The following CCAR1 variants were observed in gnomAD, a reference collection of about 807,000 sequenced individuals.
The protein encoded by CCAR1 is cell division cycle and apoptosis regulator protein 1.
A neutral mutation model predicts 163.8 loss-of-function variants in CCAR1; 78 were observed. The ratio of observed to expected loss-of-function variants is 0.48; its 90% confidence interval spans 0.40 to 0.57. CCAR1 has a LOEUF of 0.57. Among genes scored for constraint, CCAR1 ranks in the 20% least tolerant of loss-of-function variants. The pLI, the probability that CCAR1 is intolerant of heterozygous loss-of-function variation, is 0.00. For missense variants in CCAR1, 1,019 were observed against 1,365.2 expected, an observed-to-expected ratio of 0.75 and a Z score of 4.00; for synonymous variants, 443 against 460.7, an observed-to-expected ratio of 0.96 and a Z score of 0.49.
At chr10:68,723,973 A>G (rs532971802) in intron 2 of CCAR1, among the ~76,000 whole-genome samples, 11 of 150,892 alleles carry the variant, frequency 7.3e-5, no homozygotes, top group Admixed American at 3.3e-4. Flanking sequence ...AGCCTGACCA[A>G]CATGGAGAAA....
Position 68,754,726 on chromosome 10 carries a change from G to A in CCAR1, c.1357G>A (p.Ala453Thr), listed in dbSNP as rs1483548856. 6.3e-7 allele frequency: 1 copy of A among 1,597,506 alleles called. No individual in the cohort carries two copies. Among genetic ancestry groups the A allele is most frequent in the Non-Finnish European group, 8.6e-7 (1 of 1,165,934 alleles). Residue 453 changes from alanine (A) to threonine (T), a missense_variant, in exon 12 of 25, where the codon GCT (alanine) becomes ACT (threonine). Physicochemically the swap from Ala to Thr is moderately conservative, Grantham distance 58 (BLOSUM62 0). Around this residue, in one of 4 missense-constraint regions of CCAR1, gnomAD observed 644 missense variants for 904.4 expected, o/e 0.71. Coordinates refer to ENST00000265872, the MANE Select transcript of CCAR1 (RefSeq NM_018237.4). ...TTGACTATAATAGGTAATGCTGATG[G>A]CTAGCCCTAGTATGGAAGATTTATA... ...HLYSAKVMLM[A>T]SPSMEDLYHK...
intron 4 of CCAR1, 80 bp downstream of exon 4, chr10:68,737,969 T>C (rs1303102878): frequency 8.7e-6 from 8 of 922,298 alleles, no homozygotes; most frequent in Non-Finnish European, 1.3e-5. Flanking sequence ...AGAGTTTTAT[T>C]TCTATCAGCT....
At chr10:68,779,302 G>T (rs1346035574) in intron 19 of CCAR1, among the ~76,000 whole-genome samples, 1 of 151,210 alleles carries the variant, frequency 6.6e-6, no homozygotes, top group African/African-American at 2.4e-5. Flanking sequence ...CTGTCGCCCA[G>T]CCTGGAGTGT....
At chr10:68,730,876 A>G (rs750804220) in intron 2 of CCAR1, among the ~76,000 whole-genome samples, 6 of 151,772 alleles carry the variant, frequency 4.0e-5, no homozygotes, top group African/African-American at 7.3e-5. Context: ...TATTTTTCAT[A>G]GAAGCAGGGT....
chr10:68,786,434 C>G, intron 20 of CCAR1, 112 bp from the exon 21 acceptor site: 2 of 792,842 alleles, frequency 2.5e-6, no homozygotes, highest in Non-Finnish European at 3.9e-6. Flanking sequence ...TAGGATGAGG[C>G]AAATATCTTA....
At chr10:68,791,177 T>C (rs762506558) in intron 24 of CCAR1, 30 bp from the exon 25 acceptor site, 2 of 1,301,042 alleles carry the variant, frequency 1.5e-6, no homozygotes, top group Non-Finnish European at 2.2e-6. Flanking sequence ...TCTAATAAAA[T>C]GTATTTTTTC....
At chr10:68,775,497 C>CTTTTTTTTTTTTTTTTTTTTTTTTTT (rs58856212) in intron 19 of CCAR1, among the ~76,000 whole-genome samples, 2 of 117,986 alleles carry the variant, frequency 1.7e-5, no homozygotes, top group Non-Finnish European at 3.5e-5. Context: ...GCCTCATTTT[C>CTTTTTTTTTTTTTTTTTTTTTTTTTT]TTTTTTTTTT....
At chr10:68,737,682 ATTAT>A (rs1484391622) in intron 3 of CCAR1, among the ~76,000 whole-genome samples, 159 bp from the exon 4 acceptor site, 1 of 151,604 alleles carries the variant, frequency 6.6e-6, no homozygotes, top group East Asian at 1.9e-4. Flanking sequence ...CTTTATTATT[ATTAT>A]TTTTATTTTT....
rs1554821450 is a variant in CCAR1, at chr10:68,761,121, C to T, written c.2035C>T (p.Gln679Ter). Residue 679 changes from glutamine (Q) to a stop codon, truncating the protein, a stop_gained, in exon 16 of 25, where the codon CAG (glutamine) becomes TAG (stop). Transcript: ENST00000265872. LOFTEE classifies it high-confidence loss of function. ...TAAAGTAGAGGAACAAAAAGAAGAA[C>T]AGAAGGAGTTAGAGAAATCTGAAAA... ...QLKVEEQKEE[Q>*]KELEKSEKEE... The T allele has an allele frequency of 6.2e-7, 1 of 1,610,414 alleles. No homozygotes were observed. The highest frequency in any genetic ancestry group is 8.5e-7 in the Non-Finnish European group (1 of 1,178,374).
chr10:68,722,629 ACTACGTGAATTAGGGCCGGGGGTGGTGG>A (rs749850264), intron 2 of CCAR1, 52 bp downstream of exon 2: 31 of 1,413,442 alleles, frequency 2.2e-5, no homozygotes, highest in Non-Finnish European at 3.0e-5. Flanking sequence ...ACTTGTTAAA[ACTACGTGAATTAGGGCCGGGGGTGGTGG>A]CTCACGCCTG....
At chr10:68,758,051 T>A (rs2056417996) in intron 15 of CCAR1, among the ~76,000 whole-genome samples, 1 of 152,124 alleles carries the variant, frequency 6.6e-6, no homozygotes, top group Admixed American at 6.6e-5. Flanking sequence ...GTAATTTGGT[T>A]TTTAAAATAG....
At chr10:68,765,866 A>T in intron 16 of CCAR1, 22 bp from the exon 17 acceptor site, 1 of 1,583,772 alleles carries the variant, frequency 6.3e-7, no homozygotes, top group Middle Eastern at 1.7e-4. Flanking sequence ...TTTAACCTTG[A>T]CTTGAAATTT....
intron 10 of CCAR1, among the ~76,000 whole-genome samples, chr10:68,753,449 G>C (rs1456285206): frequency 6.6e-6 from 1 of 152,114 alleles, no homozygotes; most frequent in Non-Finnish European, 1.5e-5. Flanking sequence ...TCAAAAACCT[G>C]ATTGAGGGGC....
intron 3 of CCAR1, 74 bp from the exon 4 acceptor site, chr10:68,737,771 G>A (rs1265881967): frequency 3.8e-6 from 3 of 783,030 alleles, no homozygotes; most frequent in South Asian, 3.2e-5. Flanking sequence ...GTATTTCTAT[G>A]TATATCACTT....
chr10:68,773,190 AT>A lies in CCAR1; in HGVS notation c.2650+98del, dbSNP rs1478923812. 5.9e-6 allele frequency: 4 copies of A among 676,388 alleles called. No homozygotes were observed. In the South Asian group the frequency reaches 7.6e-5, roughly 13 times the overall value. The allele number at this position is 676,388 out of a possible 1,614,324, so 41.9% of individuals were successfully genotyped here. A position where few individuals can be genotyped will look rare whatever the true frequency, so the allele number is the denominator to read the frequency against. On this transcript the variant is annotated intron_variant, in intron 19 of 24. Coordinates refer to ENST00000265872, the MANE Select transcript of CCAR1 (RefSeq NM_018237.4). ...ATTCACTGAAATCTATACTTTTAAC[AT>A]TTTTTTCTTTAGAATAGAAAGAGTA...
chr10:68,788,423 C>G, intron 23 of CCAR1, 95 bp downstream of exon 23: 2 of 770,924 alleles, frequency 2.6e-6, no homozygotes, highest in Non-Finnish European at 3.8e-6. Flanking sequence ...TACCTGTGTA[C>G]ACATTTGCAT....
chr10:68,722,162 C>G (rs1003975670), intron 1 of CCAR1, among the ~76,000 whole-genome samples: 2 of 152,120 alleles, frequency 1.3e-5, no homozygotes, highest in Admixed American at 6.6e-5. Context: ...GTGGATACAG[C>G]AGATGGTCTT....
At chr10:68,761,217 C>T (rs1239694745) in intron 16 of CCAR1, 25 bp downstream of exon 16, 6 of 1,410,288 alleles carry the variant, frequency 4.3e-6, no homozygotes, top group Admixed American at 4.3e-5. Context: ...TATTATTATA[C>T]TCTATGGTAT....
chr10:68,722,633 C>T (rs906854548), intron 2 of CCAR1, 56 bp downstream of exon 2: 16 of 1,360,252 alleles, frequency 1.2e-5, no homozygotes, highest in East Asian at 2.3e-5. Flanking sequence ...GTTAAAACTA[C>T]GTGAATTAGG....
Sources: gnomAD v4.1 joint callset for allele counts (sites outside exome capture counted in the v4.1 genomes callset) on GRCh38, gnomAD v4.1.1 for gene constraint, gnomAD v4.1.1 regional missense constraint, MANE v1.5 for transcripts, NCBI Gene and HGNC (gene_info 2026-07-23, HGNC 2026-07-21) for gene names.